Variants in PDZRN4 observed in about 807,000 individuals in gnomAD.
PDZRN4 encodes the protein PDZ domain-containing RING finger protein 4.
Under a neutral mutation model 99.0 loss-of-function variants are expected in PDZRN4, and 70 were observed. The observed-to-expected ratio is 0.71, with a 90% confidence interval of 0.58 to 0.86. PDZRN4 has a LOEUF of 0.86. Ranked by LOEUF, PDZRN4 falls within the 40% of genes least tolerant of loss-of-function variation. The pLI is 0.00. For missense variants in PDZRN4, 1,474 were observed against 1,331.2 expected (o/e 1.11, Z -1.67); for synonymous variants, 551 against 501.6 (o/e 1.10, Z -1.32).
intron 3 of PDZRN4, among the ~76,000 whole-genome samples, chr12:41,397,335 A>G (rs1952255027): frequency 6.6e-6 from 1 of 152,198 alleles, no homozygotes; most frequent in African/African-American, 2.4e-5. Flanking sequence ...TCTTATTTTC[A>G]ATCCAAAAAT....
intron 3 of PDZRN4, among the ~76,000 whole-genome samples, chr12:41,219,414 A>T (rs919188893): frequency 6.6e-6 from 1 of 152,142 alleles, no homozygotes; most frequent in African/African-American, 2.4e-5. Context: ...TTTTGTAAAT[A>T]TTTTATTATT....
chr12:41,495,112 A>G (rs1937970380), intron 3 of PDZRN4, among the ~76,000 whole-genome samples: 1 of 151,952 alleles, frequency 6.6e-6, no homozygotes, highest in Non-Finnish European at 1.5e-5. Context: ...GACCTTAGAA[A>G]GTATAAGTGT....
At chr12:41,230,563 A>G (rs940994875) in intron 3 of PDZRN4, among the ~76,000 whole-genome samples, 1 of 152,096 alleles carries the variant, frequency 6.6e-6, no homozygotes, top group Non-Finnish European at 1.5e-5. Context: ...ATCATTACTG[A>G]TAAGTTATAC....
chr12:41,409,544 G>A (rs1952377245), intron 3 of PDZRN4: 1 of 151,994 alleles, frequency 6.6e-6, no homozygotes, highest in Admixed American at 6.6e-5. Flanking sequence ...TTTCTTTTGG[G>A]CATAAGTTAT....
chr12:41,397,923 G>A (rs1335563199), intron 3 of PDZRN4, among the ~76,000 whole-genome samples: 1 of 151,980 alleles, frequency 6.6e-6, no homozygotes, highest in Non-Finnish European at 1.5e-5. Context: ...GAGAAGAGAG[G>A]TAACATGGTT....
At chr12:41,248,334 G>GAAAC (rs1951146920) in intron 3 of PDZRN4, among the ~76,000 whole-genome samples, 1 of 152,124 alleles carries the variant, frequency 6.6e-6, no homozygotes, top group Non-Finnish European at 1.5e-5. Context: ...TTTTGGCTAA[G>GAAAC]AAACATTTCA....
At chr12:41,504,387 G>C (rs769401815) in intron 3 of PDZRN4, among the ~76,000 whole-genome samples, 1 of 152,130 alleles carries the variant, frequency 6.6e-6, no homozygotes, top group African/African-American at 2.4e-5. Context: ...CTAAACTCAG[G>C]GTACATCCTG....
intron 3 of PDZRN4, among the ~76,000 whole-genome samples, chr12:41,226,003 A>T (rs1371158925): frequency 6.6e-6 from 1 of 151,888 alleles, no homozygotes; most frequent in African/African-American, 2.4e-5. Flanking sequence ...TCCGGTCAAC[A>T]ATTTACCCAT....
At chr12:41,401,582 G>A (rs938821104) in intron 3 of PDZRN4, among the ~76,000 whole-genome samples, 1 of 151,804 alleles carries the variant, frequency 6.6e-6, no homozygotes, top group Non-Finnish European at 1.5e-5. Context: ...ACCTTCATAG[G>A]GCTTCTTGAA....
chr12:41,307,932 A>T (rs1318145896), intron 3 of PDZRN4, among the ~76,000 whole-genome samples: 1 of 152,138 alleles, frequency 6.6e-6, no homozygotes, highest in Non-Finnish European at 1.5e-5. Context: ...AAAAAACAAC[A>T]ACTTTATATA....
intron 3 of PDZRN4, among the ~76,000 whole-genome samples, chr12:41,401,825 A>C (rs1468222434): frequency 1.3e-5 from 2 of 151,964 alleles, no homozygotes; most frequent in South Asian, 4.1e-4. Flanking sequence ...TTAATCTCCT[A>C]GAGTTCTCCC....
chr12:41,564,318 T>C (rs954698826), intron 8 of PDZRN4, among the ~76,000 whole-genome samples: 20 of 152,178 alleles, frequency 1.3e-4, no homozygotes, highest in African/African-American at 4.6e-4. Flanking sequence ...TAGATCTTTA[T>C]GGAAGAAGAT....
At position 41,408,758 on chromosome 12, in the gene PDZRN4, TTCTC is replaced by T. The variant is rs150446588; in HGVS notation, c.844-97680_844-97677del. On this transcript the variant is annotated intron_variant, in intron 3 of 9. Coordinates refer to ENST00000402685, the MANE Select transcript of PDZRN4 (RefSeq NM_001164595.2). Reference sequence around the variant, plus strand: ...TTCTTCCTTTCTCCTTCCTAAACATTTCTCTCTCTCTCTCTCTCTCTGTCTTCTC... The same window carrying T: ...TTCTTCCTTTCTCCTTCCTAAACATTTCTCTCTCTCTCTCTCTGTCTTCTC... Among the ~76,000 whole-genome samples the T allele has an allele frequency of 8.3e-4, 124 of 149,068 alleles. 3 individuals carry two copies. Among genetic ancestry groups the T allele is most frequent in the African/African-American group, 2.2e-3 (91 of 40,666 alleles).
At chr12:41,413,889 T>A in intron 3 of PDZRN4, among the ~76,000 whole-genome samples, 1 of 152,146 alleles carries the variant, frequency 6.6e-6, no homozygotes, top group East Asian at 1.9e-4. Flanking sequence ...GTTTCTATTG[T>A]GTGGTTATTT....
At chr12:41,334,956 A>G (rs970084685) in intron 3 of PDZRN4, among the ~76,000 whole-genome samples, 1 of 152,146 alleles carries the variant, frequency 6.6e-6, no homozygotes, top group African/African-American at 2.4e-5. Flanking sequence ...TTTGAAAAGC[A>G]GCAGTATGGT....
rs569290623 is a variant in PDZRN4 at position 41,368,509 on chromosome 12, C to T, written c.844-137947C>T. Among the ~76,000 whole-genome samples the T allele has an allele frequency of 3.4e-4, 52 of 152,154 alleles. No homozygotes were observed. The South Asian group carries it at 7.5e-3, about 22-fold the overall frequency. On this transcript the variant is annotated intron_variant, in intron 3 of 9. Coordinates refer to ENST00000402685, the MANE Select transcript of PDZRN4 (RefSeq NM_001164595.2). ...GTGAGATTTAAAGGAATTATATACACGCACATACACACACACTTCAAACAG... is the reference window on the plus strand; with the variant it reads ...GTGAGATTTAAAGGAATTATATACATGCACATACACACACACTTCAAACAG...
At chr12:41,212,044 C>A (rs1304723388) in intron 3 of PDZRN4, among the ~76,000 whole-genome samples, 1 of 151,888 alleles carries the variant, frequency 6.6e-6, no homozygotes, top group Non-Finnish European at 1.5e-5. Context: ...CAGAATCAAC[C>A]TTTATCTGGG....
rs1173947932 is a variant in PDZRN4 at position 41,188,815 on chromosome 12, G to C, written c.360G>C (p.Ser120=). 4.5e-6 allele frequency: 6 copies of C among 1,331,560 alleles called. No homozygotes were observed. The highest frequency in any genetic ancestry group is 1.9e-5 in the South Asian group (1 of 51,352). 82.5% of individuals were successfully genotyped at this position (1,331,560 alleles called of 1,614,324 possible). A position where few individuals can be genotyped will look rare whatever the true frequency, so the allele number is the denominator to read the frequency against. The change falls in exon 1 of 10, where the codon TCG becomes TCC. Residue 120 remains serine (S), a synonymous_variant. Transcript: ENST00000402685. ...TCCGCAGCCGCGGGGGCTGCGCTTC[G>C]GGGCTGGGCGGTGGTGAGGTGCCCG... The part of the protein sequence containing the change: ...RRLRSRGGCA[S]GLGGGEVPAR...
At chr12:41,369,943 G>C (rs1018393172) in intron 3 of PDZRN4, among the ~76,000 whole-genome samples, 1 of 151,266 alleles carries the variant, frequency 6.6e-6, no homozygotes, top group Non-Finnish European at 1.5e-5. Flanking sequence ...TCATTACTTA[G>C]TAATTAGTCT....
Sources: allele counts gnomAD v4.1 joint callset (sites outside exome capture counted in the v4.1 genomes callset), GRCh38; gene constraint gnomAD v4.1.1; transcripts MANE v1.5; gene names NCBI Gene and HGNC (gene_info 2026-07-23, HGNC 2026-07-21).